Variants in FCAMR observed in about 807,000 individuals in gnomAD.
The protein encoded by FCAMR is Fc alpha and mu receptor.
A neutral mutation model predicts 52.2 loss-of-function variants in FCAMR; 51 were observed. The ratio of observed to expected loss-of-function variants is 0.98; its 90% CI spans 0.78 to 1.23. The LOEUF (loss-of-function observed/expected upper bound fraction) is 1.23. Ranked by LOEUF, FCAMR falls within the 50% of genes most tolerant of loss-of-function variation. The pLI is 0.00. For synonymous variants in FCAMR, 282 were observed against 262.0 expected, an observed-to-expected ratio of 1.08 and a Z score of -0.74; for missense variants, 719 against 712.6, an observed-to-expected ratio of 1.01 and a Z score of -0.10.
chr1:206,962,304 T>C lies in FCAMR; in HGVS notation c.561A>G (p.Gln187=), dbSNP rs972627590. 1.5e-5 allele frequency: 24 copies of C among 1,614,042 alleles called. No homozygotes were observed. Among genetic ancestry groups the C allele is most frequent in the Non-Finnish European group, 1.9e-5 (23 of 1,180,026 alleles). The part of the protein sequence containing the change: ...QRGLFVVRLS[Q]LSPDDIGCYL... ...AGCATCCGATGTCATCCGGGGACAG[T>C]TGGGACAGCCTCACCACAAACAAGC... Residue 187 remains glutamine (Q), a synonymous_variant, in exon 5 of 8, where the codon CAA becomes CAG. Transcript: ENST00000324852.
Position 206,960,740 on chromosome 1 carries a change from G to A in FCAMR, c.1136C>T (p.Pro379Leu). 1 of 1,552,398 alleles carries A rather than the reference G, an allele frequency of 6.4e-7. No homozygotes were observed. Among genetic ancestry groups the A allele is most frequent in the Non-Finnish European group, 8.7e-7 (1 of 1,147,150 alleles). ...GGCCAAAGTTTCTGAGACCAGAGCT[G>A]GTGGCCCAATGGTTCCTAGGACCTT... The part of the protein sequence containing the change: ...AKKVLGTIGP[P>L]ALVSETLAWE... Residue 379 changes from proline to leucine, a missense_variant, in exon 6 of 8, where the codon CCA (proline) becomes CTA (leucine). Pro to Leu is a moderately conservative substitution (Grantham distance 98). Transcript: ENST00000324852.
In FCAMR at chr1:206,968,691, G is replaced by C. The variant is rs188850230; in HGVS notation, c.40-1040C>G. ...TCACAAAGAGGAAAACAGGGAATAG[G>C]GGAAAAGAGAAGGCAGAGGAAGTAG... On this transcript the variant is annotated intron_variant, in intron 1 of 7. Coordinates refer to ENST00000324852, the MANE Select transcript of FCAMR (RefSeq NM_001170631.2). Among the ~76,000 whole-genome samples the C allele has an allele frequency of 4.6e-3, 696 of 152,216 alleles. 7 individuals are homozygous for C. The highest frequency in any genetic ancestry group is 0.016 in the African/African-American group (659 of 41,534).
At chr1:206,966,956 G>T in intron 3 of FCAMR, 96 bp downstream of exon 3, 3 of 1,213,122 alleles carry the variant, frequency 2.5e-6, no homozygotes, top group Non-Finnish European at 3.6e-6. Context: ...TACCTGGACA[G>T]TTTTACCATA....
chr1:206,966,660 AG>A (rs778676341), intron 3 of FCAMR, among the ~76,000 whole-genome samples: 11 of 152,234 alleles, frequency 7.2e-5, no homozygotes, highest in Non-Finnish European at 1.5e-4. Context: ...CTGGGAGTAC[AG>A]GTGTGAGCCA....
chr1:206,958,446 G>T lies in FCAMR; in HGVS notation c.*70C>A. 7 of 1,457,968 alleles carry T rather than the reference G, an allele frequency of 4.8e-6. No homozygotes were observed. Among genetic ancestry groups the T allele is most frequent in the Non-Finnish European group, 6.4e-6 (7 of 1,087,360 alleles). The allele number at this position is 1,457,968 out of a possible 1,614,324, so 90.3% of individuals were successfully genotyped here. A position where few individuals can be genotyped will look rare whatever the true frequency, so the allele number is the denominator to read the frequency against. ...GGTGGAGGAAGGATGATGGAAAGAG[G>T]CTGGGGTCCTGAAGGCCTTTGATCT... On this transcript the variant is annotated 3_prime_UTR_variant, in exon 8 of 8. Coordinates refer to ENST00000324852, the MANE Select transcript of FCAMR (RefSeq NM_001170631.2).
At chr1:206,960,393 C>G in intron 6 of FCAMR, 29 bp downstream of exon 6, 2 of 1,464,532 alleles carry the variant, frequency 1.4e-6, no homozygotes, top group Non-Finnish European at 1.8e-6. Context: ...TGTGGGGCCC[C>G]CCAACCGGGA....
At chr1:206,960,099 C>A in intron 6 of FCAMR, 1 of 499,242 alleles carries the variant, frequency 2.0e-6, no homozygotes, top group Non-Finnish European at 3.5e-6. Flanking sequence ...GGCTCTGCCA[C>A]AACCTTTCCT....
chr1:206,965,919 A>G (rs367582809), intron 3 of FCAMR, 61 bp from the exon 4 acceptor site: 25 of 1,607,446 alleles, frequency 1.6e-5, no homozygotes, highest in Middle Eastern at 1.7e-4. Context: ...AAAGGCACCT[A>G]CAGAGGAAGA....
At position 206,959,665 on chromosome 1, in the gene FCAMR, G is replaced by T; in HGVS notation, c.1573+14C>A. 1 of 1,603,306 alleles carries T rather than the reference G, an allele frequency of 6.2e-7. No individual in the cohort carries two copies. Among genetic ancestry groups the T allele is most frequent in the Non-Finnish European group, 8.5e-7 (1 of 1,170,356 alleles). On this transcript the variant is annotated intron_variant, in intron 7 of 7. Transcript: ENST00000324852. ...CAGAACTCTTCTATCTAGCCTTGGG[G>T]CTACTCAACTCACAGGTCCTCCTTC... is the stretch of plus-strand genomic sequence containing the variant.
rs1680874095 is a variant in FCAMR at position 206,970,068 on chromosome 1, G to A, written c.39+19C>T. ...TTCAGAGGCAAGATCCCAACCTCCAGGAGAAAGCATCATTTCACCTTTTGT... is the reference window on the plus strand; with the variant it reads ...TTCAGAGGCAAGATCCCAACCTCCAAGAGAAAGCATCATTTCACCTTTTGT... On this transcript the variant is annotated intron_variant, in intron 1 of 7. Transcript: ENST00000324852. The A allele has an allele frequency of 1.9e-6, 3 of 1,613,950 alleles. No individual in the cohort carries two copies. The highest frequency in any genetic ancestry group is 2.7e-5 in the African/African-American group (2 of 74,914).
chr1:206,959,305 C>T (rs1473989261), intron 7 of FCAMR, among the ~76,000 whole-genome samples: 2 of 151,918 alleles, frequency 1.3e-5, no homozygotes, highest in Non-Finnish European at 2.9e-5. Flanking sequence ...AGTGAAACCC[C>T]ATCTCTACTA....
chr1:206,966,888 C>T (rs1680732763), intron 3 of FCAMR, among the ~76,000 whole-genome samples, 164 bp downstream of exon 3: 2 of 152,158 alleles, frequency 1.3e-5, no homozygotes, highest in Admixed American at 6.5e-5. Context: ...CTATTACCAT[C>T]AGAATAAAAT....
intron 4 of FCAMR, among the ~76,000 whole-genome samples, chr1:206,964,549 A>C (rs1680633231): frequency 6.6e-6 from 1 of 151,752 alleles, no homozygotes; most frequent in Admixed American, 6.6e-5. Context: ...AGTTCACATG[A>C]GATCTGGGGC....
intron 6 of FCAMR, 165 bp from the exon 7 acceptor site, chr1:206,959,962 ATC>A (rs1680436649): frequency 1.7e-6 from 1 of 605,640 alleles, no homozygotes; most frequent in African/African-American, 1.9e-5. Context: ...TGGGGCTAGA[ATC>A]TCTGTCTTCA....
At position 206,963,739 on chromosome 1, in the gene FCAMR, G is replaced by A. The variant is rs574626629; in HGVS notation, c.314-1188C>T. Among the ~76,000 whole-genome samples the A allele has an allele frequency of 8.5e-5, 13 of 152,330 alleles. No homozygotes were observed. The South Asian group carries it at 2.1e-3, about 24-fold the overall frequency. ...GTTGGGCAGAGTGGGGAGAGGAGAG[G>A]TGAATGAGACAGTTGTGATCTGCCC... On this transcript the variant is annotated intron_variant, in intron 4 of 7. Transcript: ENST00000324852.
Position 206,958,888 on chromosome 1 carries a change from T to C in FCAMR, c.1574-212A>G, listed in dbSNP as rs973613758. ...GAGAACCTTAGCCTCCTCCACTTGCTGCCAGAAAATCTCACCCTTTCTTCA... is the reference window on the plus strand; with the variant it reads ...GAGAACCTTAGCCTCCTCCACTTGCCGCCAGAAAATCTCACCCTTTCTTCA... On this transcript the variant is annotated intron_variant, in intron 7 of 7. Transcript: ENST00000324852. 1.9e-5 allele frequency: 13 copies of C among 682,958 alleles called. No homozygotes were observed. In the Admixed American group the frequency reaches 2.1e-4, roughly 11 times the overall value. 42.3% of individuals were successfully genotyped at this position (682,958 alleles called of 1,614,324 possible).
Position 206,958,411 on chromosome 1 carries a change from T to C in FCAMR, c.*105A>G. On this transcript the variant is annotated 3_prime_UTR_variant, in exon 8 of 8. Transcript: ENST00000324852. ...GTGGAGCACCGGCTGCATCAGCTTC[T>C]CTTCCCACAGGTGGAGGAAGGATGA... The C allele has an allele frequency of 7.7e-7, 1 of 1,302,626 alleles. No individual in the cohort carries two copies. The highest frequency in any genetic ancestry group is 1.0e-6 in the Non-Finnish European group (1 of 965,922). 80.7% of individuals were successfully genotyped at this position (1,302,626 alleles called of 1,614,324 possible). A position where few individuals can be genotyped will look rare whatever the true frequency, so the allele number is the denominator to read the frequency against.
chr1:206,961,294 C>T (rs1680500755), intron 5 of FCAMR, 71 bp from the exon 6 acceptor site: 8 of 1,316,450 alleles, frequency 6.1e-6, no homozygotes, highest in Non-Finnish European at 7.2e-6. Flanking sequence ...CAAAGGACAC[C>T]AGGTTTAAAA....
At chr1:206,969,769 A>G (rs1007810373) in intron 1 of FCAMR, among the ~76,000 whole-genome samples, 1 of 152,168 alleles carries the variant, frequency 6.6e-6, no homozygotes, top group Non-Finnish European at 1.5e-5. Flanking sequence ...AACTTGGCCA[A>G]TGTTCTGTTC....
Sources: allele counts gnomAD v4.1 joint callset (sites outside exome capture counted in the v4.1 genomes callset), GRCh38; gene constraint gnomAD v4.1.1; transcripts MANE v1.5; gene names NCBI Gene and HGNC (gene_info 2026-07-23, HGNC 2026-07-21).